PDCD6IP: variants seen among roughly 807,000 people sequenced by gnomAD.
PDCD6IP encodes programmed cell death 6 interacting protein.
PDCD6IP carries 43 observed loss-of-function variants against 103.7 expected under a neutral mutation model. The ratio of observed to expected loss-of-function variants is 0.41; its 90% CI spans 0.32 to 0.53. PDCD6IP has a LOEUF of 0.53. PDCD6IP is among the 20% of genes least tolerant of loss of function. The probability of loss-of-function intolerance (pLI) is 0.16; values close to 1 mark genes in which losing one functional copy is unlikely to be tolerated. For missense variants in PDCD6IP, 871 were observed against 1,036.7 expected, an observed-to-expected ratio of 0.84 and a Z score of 2.20; for synonymous variants, 354 against 378.7, an observed-to-expected ratio of 0.93 and a Z score of 0.76.
chr3:33,809,582 C>G (rs1309214833), intron 1 of PDCD6IP, among the ~76,000 whole-genome samples: 1 of 152,184 alleles, frequency 6.6e-6, no homozygotes, highest in African/African-American at 2.4e-5. Flanking sequence ...CAAAGATATT[C>G]TCCTGTATAA....
chr3:33,859,991 G>C (rs1418024114), intron 15 of PDCD6IP, among the ~76,000 whole-genome samples: 5 of 152,106 alleles, frequency 3.3e-5, no homozygotes, highest in Admixed American at 2.6e-4. Flanking sequence ...TTAAAAATCA[G>C]GGTGTTTTCA....
At position 33,813,472 on chromosome 3, in the gene PDCD6IP, A is replaced by G. The variant is rs185920637; in HGVS notation, c.265-87A>G. 45 of 795,612 alleles carry G rather than the reference A, an allele frequency of 5.7e-5. No homozygotes were observed. The East Asian group carries it at 1.1e-3, about 20-fold the overall frequency. 49.3% of individuals were successfully genotyped at this position (795,612 alleles called of 1,614,324 possible). A position where few individuals can be genotyped will look rare whatever the true frequency, so the allele number is the denominator to read the frequency against. On this transcript the variant is annotated intron_variant, in intron 2 of 17. Coordinates refer to ENST00000307296, the MANE Select transcript of PDCD6IP (RefSeq NM_013374.6). The stretch of plus-strand genomic sequence containing the variant: ...ATTTTGAGCTTTTGTCCTTTTTTTC[A>G]TGGTGGATTTTTCTTCAAAGAAGAC...
intron 9 of PDCD6IP, among the ~76,000 whole-genome samples, chr3:33,838,804 A>T (rs553162087): frequency 6.8e-6 from 1 of 146,692 alleles, no homozygotes. Context: ...GTATATATAT[A>T]TATTTTTTGT....
intron 15 of PDCD6IP, among the ~76,000 whole-genome samples, chr3:33,856,112 G>T (rs1697823155): frequency 6.6e-6 from 1 of 152,206 alleles, no homozygotes; most frequent in Admixed American, 6.5e-5. Context: ...TCTAGGTTGT[G>T]CATTCCTTAT....
At chr3:33,814,929 AAT>A (rs1696812724) in intron 3 of PDCD6IP, among the ~76,000 whole-genome samples, 1 of 146,558 alleles carries the variant, frequency 6.8e-6, no homozygotes, top group Non-Finnish European at 1.5e-5. Flanking sequence ...ATATATAAGA[AAT>A]ATGTATATAT....
chr3:33,814,158 T>C lies in PDCD6IP; in HGVS notation c.334+530T>C, dbSNP rs868396291. Reference sequence around the variant, plus strand: ...CTCATTGGATTCTTTTTTTTTTTTTTTTTGAGACAGAGTTTTGCTCTTGTT... The same window carrying C: ...CTCATTGGATTCTTTTTTTTTTTTTCTTTGAGACAGAGTTTTGCTCTTGTT... On this transcript the variant is annotated intron_variant, in intron 3 of 17. Coordinates refer to ENST00000307296, the MANE Select transcript of PDCD6IP (RefSeq NM_013374.6). Among the ~76,000 whole-genome samples, 259 of 152,064 alleles carry C rather than the reference T, an allele frequency of 1.7e-3. 1 individual carries two copies. Among genetic ancestry groups the C allele is most frequent in the African/African-American group, 6.1e-3 (255 of 41,490 alleles).
intron 1 of PDCD6IP, 104 bp downstream of exon 1, chr3:33,799,041 C>G: frequency 8.8e-7 from 1 of 1,141,928 alleles, no homozygotes; most frequent in African/African-American, 1.6e-5. Context: ...GGCGGAGCCG[C>G]CCCGTCCCGG....
chr3:33,809,105 T>A (rs1696661091), intron 1 of PDCD6IP, among the ~76,000 whole-genome samples: 1 of 152,218 alleles, frequency 6.6e-6, no homozygotes, highest in Admixed American at 6.5e-5. Context: ...ACAACCTTCT[T>A]ACCTCTCCTC....
At chr3:33,826,296 CT>C (rs1697122586) in intron 5 of PDCD6IP, among the ~76,000 whole-genome samples, 183 bp from the exon 6 acceptor site, 1 of 152,098 alleles carries the variant, frequency 6.6e-6, no homozygotes, top group African/African-American at 2.4e-5. Flanking sequence ...CCTCACTCCC[CT>C]TTCCCCCACT....
At chr3:33,845,665 C>G in intron 12 of PDCD6IP, 77 bp downstream of exon 12, 2 of 1,099,298 alleles carry the variant, frequency 1.8e-6, no homozygotes, top group Middle Eastern at 2.1e-4. Context: ...AATGAACTGC[C>G]AATTTCTTAT....
At chr3:33,820,396 T>C (rs997813525) in intron 3 of PDCD6IP, among the ~76,000 whole-genome samples, 2 of 152,212 alleles carry the variant, frequency 1.3e-5, no homozygotes, top group African/African-American at 4.8e-5. Flanking sequence ...AGTAGAGTCG[T>C]AGACTGCATT....
chr3:33,861,429 C>T lies in PDCD6IP; in HGVS notation c.2121-2577C>T, dbSNP rs1421167611. Among the ~76,000 whole-genome samples the T allele has an allele frequency of 2.0e-5, 3 of 152,208 alleles. No individual in the cohort carries two copies. The East Asian group carries it at 5.8e-4, about 29-fold the overall frequency. On this transcript the variant is annotated intron_variant, in intron 15 of 17. Coordinates refer to ENST00000307296, the MANE Select transcript of PDCD6IP (RefSeq NM_013374.6). ...GTGCTGGGATTACAGGCGTGAGCCA[C>T]CGAGCCCGGCTTAATATGTATTTTA...
At chr3:33,824,004 C>T (rs1697054245) in intron 4 of PDCD6IP, among the ~76,000 whole-genome samples, 1 of 152,108 alleles carries the variant, frequency 6.6e-6, no homozygotes, top group African/African-American at 2.4e-5. Flanking sequence ...GCTTGCCACC[C>T]AGAAGCTTTG....
chr3:33,805,314 C>T (rs970146819), intron 1 of PDCD6IP, among the ~76,000 whole-genome samples: 2 of 149,684 alleles, frequency 1.3e-5, no homozygotes, highest in African/African-American at 4.9e-5. Context: ...GAGATCACAC[C>T]ACTGCACTGT....
At chr3:33,826,082 T>C (rs1465049627) in intron 5 of PDCD6IP, among the ~76,000 whole-genome samples, 1 of 152,174 alleles carries the variant, frequency 6.6e-6, no homozygotes, top group Non-Finnish European at 1.5e-5. Context: ...TAAGTCATCA[T>C]GTGGAAGAAA....
At chr3:33,808,607 C>T (rs939564447) in intron 1 of PDCD6IP, among the ~76,000 whole-genome samples, 5 of 152,188 alleles carry the variant, frequency 3.3e-5, no homozygotes, top group Non-Finnish European at 1.5e-5. Context: ...TCTGCTGCCA[C>T]CGTGGACTCC....
intron 1 of PDCD6IP, among the ~76,000 whole-genome samples, chr3:33,809,906 G>A (rs1696679486): frequency 1.3e-5 from 2 of 152,148 alleles, no homozygotes; most frequent in African/African-American, 4.8e-5. Context: ...GAGTACCAGC[G>A]AAGTGATGCT....
At position 33,814,624 on chromosome 3, in the gene PDCD6IP, G is replaced by A. The variant is rs531251104; in HGVS notation, c.334+996G>A. Among the ~76,000 whole-genome samples, 15 of 138,346 alleles carry A rather than the reference G, an allele frequency of 1.1e-4. No homozygotes were observed. The South Asian group carries it at 1.4e-3, about 13-fold the overall frequency. 90.8% of individuals were successfully genotyped at this position (138,346 alleles called of 152,430 possible). A position where few individuals can be genotyped will look rare whatever the true frequency, so the allele number is the denominator to read the frequency against. ...TATGTATTATATATGCACATATAAT[G>A]TGTATTATATGTGCATATATAATGT... On this transcript the variant is annotated intron_variant, in intron 3 of 17. Transcript: ENST00000307296.
In PDCD6IP at chr3:33,866,344, C is replaced by T; in HGVS notation, c.2433-7C>T. ...CCAATCAAGATTTTTCTGTTTTCTT[C>T]TATCAGGTATTGCCAAATGCCCATG... is the stretch of plus-strand genomic sequence containing the variant. On this transcript the variant is annotated splice_region_variant and splice_polypyrimidine_tract_variant and intron_variant, in intron 17 of 17. Transcript: ENST00000307296. 7.0e-7 allele frequency: 1 copy of T among 1,422,186 alleles called. No homozygotes were observed. Among genetic ancestry groups the T allele is most frequent in the Non-Finnish European group, 9.2e-7 (1 of 1,086,710 alleles). 88.1% of individuals were successfully genotyped at this position (1,422,186 alleles called of 1,614,324 possible).
Sources: allele counts gnomAD v4.1 joint callset (sites outside exome capture counted in the v4.1 genomes callset), GRCh38; gene constraint gnomAD v4.1.1; transcripts MANE v1.5; gene names NCBI Gene and HGNC (gene_info 2026-07-23, HGNC 2026-07-21).